GFOD1: variants seen among roughly 807,000 people sequenced by gnomAD.
The protein encoded by GFOD1 is Gfo/Idh/MocA-like oxidoreductase domain containing 1.
Under a neutral mutation model 25.4 loss-of-function variants are expected in GFOD1, and 9 were observed. The observed-to-expected ratio is 0.35, with a 90% confidence interval of 0.21 to 0.62. GFOD1 has a LOEUF of 0.62. Ranked by LOEUF, GFOD1 falls within the 20% of genes least tolerant of loss-of-function variation. The probability of loss-of-function intolerance (pLI) is 0.72; values close to 1 mark genes in which losing one functional copy is unlikely to be tolerated. For missense variants in GFOD1, 403 were observed against 556.9 expected (o/e 0.72, Z 2.78); for synonymous variants, 253 against 245.6 (o/e 1.03, Z -0.28).
At chr6:13,410,068 C>T (rs1584635747) in intron 1 of GFOD1, among the ~76,000 whole-genome samples, 1 of 127,416 alleles carries the variant, frequency 7.8e-6, no homozygotes. Context: ...AGGTAAACAT[C>T]ATCAGAAAAG....
rs867293113 is a variant in GFOD1 at position 13,453,081 on chromosome 6, T to C, written c.253+33557A>G. On this transcript the variant is annotated intron_variant, in intron 1 of 1. Transcript: ENST00000379287. ...CCTCACATCAGTTCAGCTCAGGTTT[T>C]ATAAGCAATTGAGTTTGCACCAAAC... Among the ~76,000 whole-genome samples the C allele has an allele frequency of 3.9e-5, 6 of 152,370 alleles. 1 individual carries two copies. The highest frequency in any genetic ancestry group is 6.8e-3 in the Middle Eastern group (2 of 294).
chr6:13,487,230 T>C lies in GFOD1; in HGVS notation c.-340A>G. 3.9e-6 allele frequency: 1 copy of C among 257,808 alleles called. No homozygotes were observed. Among genetic ancestry groups the C allele is most frequent in the Non-Finnish European group, 7.3e-6 (1 of 137,560 alleles). 16.0% of individuals were successfully genotyped at this position (257,808 alleles called of 1,614,324 possible). On this transcript the variant is annotated 5_prime_UTR_variant, in exon 1 of 2. Coordinates refer to ENST00000379287, the MANE Select transcript of GFOD1 (RefSeq NM_018988.4). This position sits in a 1 kb window ranked among gnomAD's most constrained non-coding sequence, Gnocchi z 4.9. ...CGCTCCCGCGGCAGCGCCAGTCCGC[T>C]GCGTGCGCCCCGCCAAGGCCGCTCC... is the stretch of plus-strand genomic sequence containing the variant.
chr6:13,477,226 T>TGTGTGTGC (rs1554206446), intron 1 of GFOD1, among the ~76,000 whole-genome samples: 8 of 147,948 alleles, frequency 5.4e-5, no homozygotes, highest in Middle Eastern at 3.6e-3. Context: ...GGTGTGTGTG[T>TGTGTGTGC]GTGTGTGTGT....
intron 1 of GFOD1, among the ~76,000 whole-genome samples, chr6:13,484,016 G>C (rs1056106358): frequency 6.6e-6 from 1 of 152,176 alleles, no homozygotes; most frequent in African/African-American, 2.4e-5. Context: ...TGGTAGAAAT[G>C]CCTCTACAAC....
intron 1 of GFOD1, among the ~76,000 whole-genome samples, chr6:13,412,623 C>T (rs1008391941): frequency 6.6e-6 from 1 of 152,222 alleles, no homozygotes; most frequent in East Asian, 1.9e-4. Flanking sequence ...ACTCCCTTCC[C>T]CCCGTTGTTA....
At chr6:13,444,197 T>C (rs925837999) in intron 1 of GFOD1, among the ~76,000 whole-genome samples, 11 of 152,214 alleles carry the variant, frequency 7.2e-5, no homozygotes, top group African/African-American at 2.4e-4. Context: ...AATGAGATCA[T>C]GTATTTTGCG....
intron 1 of GFOD1, among the ~76,000 whole-genome samples, chr6:13,469,055 A>T (rs1758429430): frequency 6.6e-6 from 1 of 152,204 alleles, no homozygotes; most frequent in African/African-American, 2.4e-5. Context: ...GCCACAGGGC[A>T]TTGTGACAAT....
intron 1 of GFOD1, among the ~76,000 whole-genome samples, chr6:13,427,734 T>C (rs73366970): frequency 0.062 from 9,390 of 152,304 alleles, 361 homozygotes; most frequent in Middle Eastern, 0.12. Flanking sequence ...ATTTCACAAA[T>C]GTGATTATCC....
At chr6:13,370,135 G>C (rs1361985862) in intron 1 of GFOD1, among the ~76,000 whole-genome samples, 3 of 152,222 alleles carry the variant, frequency 2.0e-5, no homozygotes, top group Non-Finnish European at 4.4e-5. Context: ...GCCCATCCCA[G>C]TTCCTGAGCC....
At chr6:13,416,263 C>T (rs1786160934) in intron 1 of GFOD1, among the ~76,000 whole-genome samples, 1 of 152,190 alleles carries the variant, frequency 6.6e-6, no homozygotes, top group African/African-American at 2.4e-5. Context: ...GGACTCTTTC[C>T]TTTATAAATT....
rs574372391 is a variant in GFOD1, at chr6:13,463,405, C to T, written c.253+23233G>A. ...TTTAAAATCCAGCTCCTCATTCACA[C>T]TGGCCTCAGTTCATATGCTCAGTAG... On this transcript the variant is annotated intron_variant, in intron 1 of 1. Coordinates refer to ENST00000379287, the MANE Select transcript of GFOD1 (RefSeq NM_018988.4). 2.1e-4 allele frequency among the ~76,000 whole-genome samples: 32 copies of T among 152,364 alleles called. No homozygotes were observed. In the South Asian group the frequency reaches 3.9e-3, roughly 19 times the overall value.
intron 1 of GFOD1, among the ~76,000 whole-genome samples, chr6:13,463,513 G>C (rs897243687): frequency 6.6e-6 from 1 of 152,188 alleles, no homozygotes; most frequent in East Asian, 1.9e-4. Flanking sequence ...GGACAGGACT[G>C]CTCCAGATCA....
chr6:13,415,664 A>G (rs1034423198), intron 1 of GFOD1, among the ~76,000 whole-genome samples: 3 of 152,222 alleles, frequency 2.0e-5, no homozygotes, highest in African/African-American at 7.2e-5. Context: ...CGGATTCACT[A>G]GCTGGGCAAG....
chr6:13,431,208 C>T (rs889315097), intron 1 of GFOD1, among the ~76,000 whole-genome samples: 3 of 152,220 alleles, frequency 2.0e-5, no homozygotes, highest in East Asian at 1.9e-4. Flanking sequence ...TGCTCTGCCA[C>T]GGTCTGTGCT....
At chr6:13,378,422 A>T (rs1444602753) in intron 1 of GFOD1, among the ~76,000 whole-genome samples, 1 of 152,238 alleles carries the variant, frequency 6.6e-6, no homozygotes, top group Non-Finnish European at 1.5e-5. Context: ...GAGCTTGAAG[A>T]TGAAAGAACT....
At chr6:13,474,822 A>C (rs1304976122) in intron 1 of GFOD1, among the ~76,000 whole-genome samples, 2 of 152,248 alleles carry the variant, frequency 1.3e-5, no homozygotes, top group Non-Finnish European at 2.9e-5. Flanking sequence ...CAGAGGGTTC[A>C]GTGGATTCTC....
rs1295577343 is a variant in GFOD1, at chr6:13,486,816, G to A, written c.75C>T (p.Gly25=). Residue 25 remains glycine, a synonymous_variant, in exon 1 of 2, where the codon GGC becomes GGT. Coordinates refer to ENST00000379287, the MANE Select transcript of GFOD1 (RefSeq NM_018988.4). ...RVIIPLLKDE[G]FAVKALWGRT... ...GGCCCCACAGCGCCTTCACCGCGAA[G>A]CCCTCGTCTTTCAGCAGCGGGATGA... 1.2e-6 allele frequency: 2 copies of A among 1,614,006 alleles called. No individual in the cohort carries two copies. Among genetic ancestry groups the A allele is most frequent in the East Asian group, 2.2e-5 (1 of 44,890 alleles).
At chr6:13,477,219 G>GTA (rs1201813402) in intron 1 of GFOD1, among the ~76,000 whole-genome samples, 17 of 144,498 alleles carry the variant, frequency 1.2e-4, no homozygotes, top group Non-Finnish European at 1.8e-4. Flanking sequence ...AATAGGGGGT[G>GTA]TGTGTGTGTG....
At chr6:13,437,827 C>T (rs958578294) in intron 1 of GFOD1, among the ~76,000 whole-genome samples, 1 of 152,142 alleles carries the variant, frequency 6.6e-6, no homozygotes, top group Non-Finnish European at 1.5e-5. Context: ...CTTGAGTTTG[C>T]AAGAGTAAAG....
Sources: gnomAD v4.1 joint callset for allele counts (sites outside exome capture counted in the v4.1 genomes callset) on GRCh38, gnomAD v4.1.1 for gene constraint, Gnocchi (gnomAD v3.1) non-coding constraint, MANE v1.5 for transcripts, NCBI Gene and HGNC (gene_info 2026-07-23, HGNC 2026-07-21) for gene names.